Variants in TTF2 observed in about 807,000 individuals in gnomAD.
TTF2 encodes transcription termination factor 2, also known as RNA polymerase II termination factor.
A neutral mutation model predicts 142.4 loss-of-function variants in TTF2; 108 were observed. The ratio of observed to expected loss-of-function variants is 0.76; its 90% CI spans 0.65 to 0.89. The LOEUF (loss-of-function observed/expected upper bound fraction) is 0.89, where lower values mean the gene tolerates loss of function less well. Ranked by LOEUF, TTF2 falls within the 40% of genes least tolerant of loss-of-function variation. TTF2 has a pLI of 0.00. For missense variants in TTF2, 1,327 were observed against 1,379.8 expected, an observed-to-expected ratio of 0.96 and a Z score of 0.61; for synonymous variants, 483 against 506.2, an observed-to-expected ratio of 0.95 and a Z score of 0.61.
Position 117,088,938 on chromosome 1 carries a change from A to G in TTF2, c.2298A>G (p.Gly766=). 3 of 1,613,456 alleles carry G rather than the reference A, an allele frequency of 1.9e-6. No individual in the cohort carries two copies. The highest frequency in any genetic ancestry group is 1.1e-5 in the South Asian group (1 of 90,902). The change falls in exon 13 of 23, where the codon GGA becomes GGG. Residue 766 remains glycine, a synonymous_variant. Coordinates refer to ENST00000369466, the MANE Select transcript of TTF2 (RefSeq NM_003594.4). ...LQACARWAVT[G]TPIQNNLLDM... ...CCTGTGCCCGTTGGGCTGTCACTGG[A>G]ACCCCCATTCAAAACAACTTATTGG...
chr1:117,077,968 C>G lies in TTF2; in HGVS notation c.1626C>G (p.Ala542=). The change falls in exon 8 of 23, where the codon GCC becomes GCG. Residue 542 remains alanine (A), a synonymous_variant. Coordinates refer to ENST00000369466, the MANE Select transcript of TTF2 (RefSeq NM_003594.4). ...VHAVWKITSE[A]IGQLHRSLES... ...CAGTGTGGAAAATCACAAGTGAAGC[C>G]ATCGGTCAACTGCATCGCTCACTTG... 1 of 1,614,170 alleles carries G rather than the reference C, an allele frequency of 6.2e-7. No homozygotes were observed. Among genetic ancestry groups the G allele is most frequent in the Non-Finnish European group, 8.5e-7 (1 of 1,180,018 alleles).
chr1:117,087,129 C>T lies in TTF2; in HGVS notation c.2160+607C>T, dbSNP rs978833504. Among the ~76,000 whole-genome samples the T allele has an allele frequency of 4.6e-5, 7 of 152,120 alleles. No homozygotes were observed. The highest frequency in any genetic ancestry group is 1.9e-4 in the East Asian group (1 of 5,188). ...ATTTTTCTATATGTTATCCTTTTAGCCCAACGGGATATTCACAGGTTTCTG... is the reference window on the plus strand; with the variant it reads ...ATTTTTCTATATGTTATCCTTTTAGTCCAACGGGATATTCACAGGTTTCTG... On this transcript the variant is annotated intron_variant, in intron 12 of 22. Coordinates refer to ENST00000369466, the MANE Select transcript of TTF2 (RefSeq NM_003594.4). The surrounding 1 kb of genome is among the most constrained non-coding windows in gnomAD (Gnocchi z 4.8).
rs752108399 is a variant in TTF2 at position 117,091,958 on chromosome 1, A to G, written c.2805+8A>G. The G allele has an allele frequency of 5.0e-6, 8 of 1,610,620 alleles. No individual in the cohort carries two copies. The East Asian group carries it at 6.7e-5, about 13-fold the overall frequency. On this transcript the variant is annotated splice_region_variant and intron_variant, in intron 17 of 22. Transcript: ENST00000369466. ...CTTTCTTTACTGAAGTCGGTAAGAA[A>G]AGCCCTCAGCCTGCTGTCATATAGT...
chr1:117,078,478 T>G (rs759674763), intron 8 of TTF2, among the ~76,000 whole-genome samples: 30 of 152,270 alleles, frequency 2.0e-4, no homozygotes, highest in Non-Finnish European at 3.4e-4. Context: ...ATTTGTTGTC[T>G]GCCTACTTTG....
chr1:117,092,720 T>G lies in TTF2; in HGVS notation c.2806-11T>G. On this transcript the variant is annotated splice_polypyrimidine_tract_variant and intron_variant, in intron 17 of 22. Transcript: ENST00000369466. The surrounding 1 kb of genome is among the most constrained non-coding windows in gnomAD (Gnocchi z 4.4). ...ACTCCCAGCTGCTCCTGTCCTTTTT[T>G]GTCTGTTCAGGCCCTGGATCCAATG... 2 of 1,607,580 alleles carry G rather than the reference T, an allele frequency of 1.2e-6. No individual in the cohort carries two copies. Among genetic ancestry groups the G allele is most frequent in the Non-Finnish European group, 1.7e-6 (2 of 1,176,836 alleles).
chr1:117,099,344 A>G lies in TTF2; in HGVS notation c.3344+437A>G, dbSNP rs1202087356. ...TTTGTCCCTAAGTACTTAAGTGTAC[A>G]TTTCTTAAAATTAAGGGAATTCTCT... On this transcript the variant is annotated intron_variant, in intron 22 of 22. Coordinates refer to ENST00000369466, the MANE Select transcript of TTF2 (RefSeq NM_003594.4). This position sits in a 1 kb window ranked among gnomAD's most constrained non-coding sequence, Gnocchi z 4.3. Among the ~76,000 whole-genome samples, 1 of 152,206 alleles carries G rather than the reference A, an allele frequency of 6.6e-6. No homozygotes were observed. The highest frequency in any genetic ancestry group is 2.4e-5 in the African/African-American group (1 of 41,436).
Position 117,085,675 on chromosome 1 carries a change from T to G in TTF2, c.2055-742T>G, listed in dbSNP as rs1401839175. 1.3e-5 allele frequency among the ~76,000 whole-genome samples: 2 copies of G among 152,178 alleles called. No individual in the cohort carries two copies. Among genetic ancestry groups the G allele is most frequent in the African/African-American group, 4.8e-5 (2 of 41,454 alleles). Reference sequence around the variant, plus strand: ...CTTTATTTCAATAAATACTTTATTTTATTTTATTATTTTATTTACTTTTGA... The same window carrying G: ...CTTTATTTCAATAAATACTTTATTTGATTTTATTATTTTATTTACTTTTGA... On this transcript the variant is annotated intron_variant, in intron 11 of 22. Transcript: ENST00000369466. This position sits in a 1 kb window ranked among gnomAD's most constrained non-coding sequence, Gnocchi z 4.7.
chr1:117,062,137 G>A (rs905728220), intron 2 of TTF2, among the ~76,000 whole-genome samples: 11 of 152,168 alleles, frequency 7.2e-5, no homozygotes, highest in African/African-American at 2.7e-4. Flanking sequence ...ATTACACAGT[G>A]CAGTGTGGTT....
rs1188414641 is a variant in TTF2 at position 117,101,372 on chromosome 1, T to A, written c.3345-8T>A. On this transcript the variant is annotated splice_region_variant and splice_polypyrimidine_tract_variant and intron_variant, in intron 22 of 22. Transcript: ENST00000369466. This position sits in a 1 kb window ranked among gnomAD's most constrained non-coding sequence, Gnocchi z 5.9. ...ATAGTTTGCTTATTTTTTGTTTTTGTTTTTTAGATTTGTTTGTGAGGGAAC... is the reference window on the plus strand; with the variant it reads ...ATAGTTTGCTTATTTTTTGTTTTTGATTTTTAGATTTGTTTGTGAGGGAAC... 1 of 1,572,440 alleles carries A rather than the reference T, an allele frequency of 6.4e-7. No individual in the cohort carries two copies. Among genetic ancestry groups the A allele is most frequent in the Non-Finnish European group, 8.6e-7 (1 of 1,168,760 alleles).
intron 18 of TTF2, chr1:117,094,558 C>T: frequency 4.3e-6 from 2 of 468,184 alleles, no homozygotes; most frequent in South Asian, 3.1e-5. Context: ...AACAATGGTT[C>T]CTCCGTCTGG....
At chr1:117,077,091 A>T (rs1167111288) in intron 7 of TTF2, among the ~76,000 whole-genome samples, 1 of 152,180 alleles carries the variant, frequency 6.6e-6, no homozygotes. Flanking sequence ...TAAAGTTTAA[A>T]ATAGGTATGT....
At chr1:117,064,341 C>CA (rs55947623) in intron 3 of TTF2, among the ~76,000 whole-genome samples, 149,091 of 150,688 alleles carry the variant, frequency 0.99, 73,775 homozygotes, top group Middle Eastern at 1. Flanking sequence ...AGTGAAAAAA[C>CA]AAAAAAAAAT....
At position 117,086,554 on chromosome 1, in the gene TTF2, T is replaced by C. The variant is rs1430082138; in HGVS notation, c.2160+32T>C. Reference sequence around the variant, plus strand: ...CTGGGGGGCAGCCAGGGAAGTGGAGTTGGAGCCACAGATGGTTTAATGGGA... The same window carrying C: ...CTGGGGGGCAGCCAGGGAAGTGGAGCTGGAGCCACAGATGGTTTAATGGGA... On this transcript the variant is annotated intron_variant, in intron 12 of 22. Coordinates refer to ENST00000369466, the MANE Select transcript of TTF2 (RefSeq NM_003594.4). This position sits in a 1 kb window ranked among gnomAD's most constrained non-coding sequence, Gnocchi z 4.2. The C allele has an allele frequency of 2.6e-6, 4 of 1,533,912 alleles. No homozygotes were observed. In the Admixed American group the frequency reaches 5.1e-5, roughly 20 times the overall value.
intron 3 of TTF2, among the ~76,000 whole-genome samples, chr1:117,066,695 CTTT>C (rs530588185): frequency 9.0e-4 from 103 of 115,014 alleles, no homozygotes; most frequent in South Asian, 2.4e-3. Flanking sequence ...CTAATCATGT[CTTT>C]TTTTTTTTTT....
rs1020271327 is a variant in TTF2, at chr1:117,093,845, A to C, written c.2976+944A>C. Among the ~76,000 whole-genome samples, 2 of 152,218 alleles carry C rather than the reference A, an allele frequency of 1.3e-5. No homozygotes were observed. Among genetic ancestry groups the C allele is most frequent in the Non-Finnish European group, 2.9e-5 (2 of 68,040 alleles). On this transcript the variant is annotated intron_variant, in intron 18 of 22. Coordinates refer to ENST00000369466, the MANE Select transcript of TTF2 (RefSeq NM_003594.4). This position sits in a 1 kb window ranked among gnomAD's most constrained non-coding sequence, Gnocchi z 4.5. ...TCACAAGTTTTCTTAACATATGTCCATTAATAGTTCAAACCACATACGGTT... is the reference window on the plus strand; with the variant it reads ...TCACAAGTTTTCTTAACATATGTCCCTTAATAGTTCAAACCACATACGGTT...
chr1:117,062,535 G>A (rs1655774236), intron 3 of TTF2, 62 bp downstream of exon 3: 3 of 1,480,872 alleles, frequency 2.0e-6, no homozygotes, highest in Non-Finnish European at 2.8e-6. Context: ...CCCTGAAAGA[G>A]TTGTAGCCAG....
rs1169609455 is a variant in TTF2 at position 117,097,261 on chromosome 1, T to C, written c.3187-90T>C. On this transcript the variant is annotated intron_variant, in intron 20 of 22. Transcript: ENST00000369466. This position sits in a 1 kb window ranked among gnomAD's most constrained non-coding sequence, Gnocchi z 4.1. ...GGAAATTTGATAGGAACACAGTGCT[T>C]ATCTGTATTGATTGTGGACTTAAAC... The C allele has an allele frequency of 1.8e-6, 2 of 1,120,182 alleles. No individual in the cohort carries two copies. Among genetic ancestry groups the C allele is most frequent in the Non-Finnish European group, 2.7e-6 (2 of 732,610 alleles). The allele number at this position is 1,120,182 out of a possible 1,614,324, so 69.4% of individuals were successfully genotyped here. A position where few individuals can be genotyped will look rare whatever the true frequency, so the allele number is the denominator to read the frequency against.
intron 2 of TTF2, among the ~76,000 whole-genome samples, chr1:117,060,833 T>A (rs1209625539): frequency 2.6e-5 from 4 of 152,210 alleles, no homozygotes; most frequent in Non-Finnish European, 4.4e-5. Context: ...TTTCCAGCTC[T>A]GGGTTTCTAT....
rs1352092132 is a variant in TTF2 at position 117,063,080 on chromosome 1, A to G, written c.218+607A>G. On this transcript the variant is annotated intron_variant, in intron 3 of 22. Transcript: ENST00000369466. This position sits in a 1 kb window ranked among gnomAD's most constrained non-coding sequence, Gnocchi z 4.1. ...TATCTTTAAACAGAGACTTTAGGCG[A>G]TAAGGCTGGCCAGGAAGGTAGGGGT... 6.6e-6 allele frequency among the ~76,000 whole-genome samples: 1 copy of G among 152,200 alleles called. No homozygotes were observed. The highest frequency in any genetic ancestry group is 1.5e-5 in the Non-Finnish European group (1 of 68,038).
Sources: allele counts gnomAD v4.1 joint callset (sites outside exome capture counted in the v4.1 genomes callset), GRCh38; gene constraint gnomAD v4.1.1; non-coding constraint Gnocchi (gnomAD v3.1); transcripts MANE v1.5; gene names NCBI Gene and HGNC (gene_info 2026-07-23, HGNC 2026-07-21).